The following DYNC2H1 variants were observed in gnomAD, a reference collection of about 807,000 sequenced individuals.
DYNC2H1 encodes cytoplasmic dynein 2 heavy chain 1.
Under a neutral mutation model 570.0 loss-of-function variants are expected in DYNC2H1, and 410 were observed. That is an observed-to-expected ratio of 0.72 (90% confidence interval 0.66 to 0.78). The LOEUF is 0.78. Among genes scored for constraint, DYNC2H1 ranks in the 30% least tolerant of loss-of-function variants. The pLI, the probability that DYNC2H1 is intolerant of heterozygous loss-of-function variation, is 0.00. For missense variants in DYNC2H1, 4,865 were observed against 5,046.4 expected (o/e 0.96, Z 1.09); for synonymous variants, 1,688 against 1,677.6 (o/e 1.01, Z -0.15).
chr11:103,231,962 C>G (rs1026482784), intron 60 of DYNC2H1, among the ~76,000 whole-genome samples: 1 of 151,536 alleles, frequency 6.6e-6, no homozygotes, highest in Non-Finnish European at 1.5e-5. Context: ...AAAATCAAAC[C>G]GAAAAGAAAA....
At chr11:103,433,492 C>G (rs968162882) in intron 84 of DYNC2H1, among the ~76,000 whole-genome samples, 3 of 152,040 alleles carry the variant, frequency 2.0e-5, no homozygotes, top group African/African-American at 7.2e-5. Context: ...TGTGGTTTAG[C>G]TGAGTATTCT....
At position 103,176,384 on chromosome 11, in the gene DYNC2H1, G is replaced by A; in HGVS notation, c.5824G>A (p.Ala1942Thr). The A allele has an allele frequency of 6.3e-7, 1 of 1,587,850 alleles. No individual in the cohort carries two copies. The highest frequency in any genetic ancestry group is 8.6e-7 in the Non-Finnish European group (1 of 1,168,880). ...AGTGGAATATGATGAACTAAGTGCT[G>A]CATTAAAGCAGGTCTTTGAAGAGGC... ...KEVEYDELSA[A>T]LKQVFEEANY... The change falls in exon 37 of 89, where the codon GCA becomes ACA. Residue 1942 changes from alanine to threonine, a missense_variant. Around this residue, in one of 5 missense-constraint regions of DYNC2H1, gnomAD observed 292 missense variants for 300.2 expected, o/e 0.97. Transcript: ENST00000375735.
intron 21 of DYNC2H1, 35 bp downstream of exon 21, chr11:103,152,320 C>G: frequency 6.5e-7 from 1 of 1,532,942 alleles, no homozygotes; most frequent in Non-Finnish European, 8.8e-7. Context: ...AAAATGGGAA[C>G]TTTTTTCTTA....
intron 37 of DYNC2H1, among the ~76,000 whole-genome samples, chr11:103,176,826 C>T (rs1307137980): frequency 6.6e-6 from 1 of 152,094 alleles, no homozygotes; most frequent in Non-Finnish European, 1.5e-5. Context: ...CTGCCTCAGC[C>T]TCCTGAATAG....
Position 103,189,380 on chromosome 11 carries a change from A to G in DYNC2H1, c.7293-292A>G, listed in dbSNP as rs1445870248. ...ATGTAACTCAAAAATGCTTTTCAAAAGTAAAATTTTCCTTTTGGTCTTTTC... is the reference window on the plus strand; with the variant it reads ...ATGTAACTCAAAAATGCTTTTCAAAGGTAAAATTTTCCTTTTGGTCTTTTC... On this transcript the variant is annotated intron_variant, in intron 44 of 88. Transcript: ENST00000375735. This position sits in a 1 kb window ranked among gnomAD's most constrained non-coding sequence, Gnocchi z 4.3. Among the ~76,000 whole-genome samples, 4 of 152,156 alleles carry G rather than the reference A, an allele frequency of 2.6e-5. No homozygotes were observed. The highest frequency in any genetic ancestry group is 6.6e-5 in the Admixed American group (1 of 15,244).
chr11:103,443,274 A>G (rs1944326608), intron 85 of DYNC2H1, among the ~76,000 whole-genome samples: 1 of 151,854 alleles, frequency 6.6e-6, no homozygotes, highest in African/African-American at 2.4e-5. Flanking sequence ...TTATTTGCTG[A>G]TTTTCCATTC....
chr11:103,436,003 G>A lies in DYNC2H1; in HGVS notation c.12427G>A (p.Gly4143Ser). The change falls in exon 85 of 89, where the codon GGT becomes AGT. Residue 4143 changes from glycine to serine, a missense_variant. Gly to Ser is a moderately conservative substitution (Grantham distance 56). This residue lies in a region of DYNC2H1 where 2,401 missense variants were observed against 2,454.6 expected (regional missense o/e 0.98). Coordinates refer to ENST00000375735, the MANE Select transcript of DYNC2H1 (RefSeq NM_001377.3). ...GPEDPLQYLR[G>S]LVARALAIQN... is the part of the protein sequence containing the mutation. ...AGAAGATCCCTTACAATACCTGAGAGGTCTTGTTGCCCGTGCCCTTGCAAT... is the reference window on the plus strand; with the variant it reads ...AGAAGATCCCTTACAATACCTGAGAAGTCTTGTTGCCCGTGCCCTTGCAAT... 3.7e-6 allele frequency: 6 copies of A among 1,612,530 alleles called. No individual in the cohort carries two copies. The highest frequency in any genetic ancestry group is 5.1e-6 in the Non-Finnish European group (6 of 1,179,036).
Position 103,204,898 on chromosome 11 carries a change from TCCAGCTTTG to T in DYNC2H1, c.8390_8398del (p.Pro2797_Leu2799del), listed in dbSNP as rs747309964. 7 of 1,594,286 alleles carry T rather than the reference TCCAGCTTTG, an allele frequency of 4.4e-6. No homozygotes were observed. Among genetic ancestry groups the T allele is most frequent in the Non-Finnish European group, 6.0e-6 (7 of 1,169,120 alleles). The stretch of plus-strand genomic sequence containing the variant: ...ACTTCATGATAAACTGTGAGAGTAA[TCCAGCTTTG>T]CATAAGAAATGCCAGGTGTTGTGGA... On this transcript the variant is annotated inframe_deletion, in exon 52 of 89. Coordinates refer to ENST00000375735, the MANE Select transcript of DYNC2H1 (RefSeq NM_001377.3). The surrounding 1 kb of genome is among the most constrained non-coding windows in gnomAD (Gnocchi z 4.1).
At chr11:103,220,157 T>C in intron 56 of DYNC2H1, 129 bp downstream of exon 56, 1 of 457,754 alleles carries the variant, frequency 2.2e-6, no homozygotes, top group Non-Finnish European at 3.8e-6. Flanking sequence ...AACCAAAATG[T>C]TACTTGTAAA....
intron 84 of DYNC2H1, among the ~76,000 whole-genome samples, chr11:103,431,697 C>A (rs370221936): frequency 3.3e-5 from 5 of 152,016 alleles, no homozygotes; most frequent in African/African-American, 9.7e-5. Flanking sequence ...CTTTGGGATT[C>A]GACAAACTCT....
chr11:103,388,562 G>T (rs920438450), intron 83 of DYNC2H1, among the ~76,000 whole-genome samples: 57 of 152,190 alleles, frequency 3.7e-4, no homozygotes, highest in Admixed American at 5.9e-4. Flanking sequence ...TGGTGAGAGA[G>T]GGCATCCCTG....
intron 70 of DYNC2H1, among the ~76,000 whole-genome samples, chr11:103,265,738 C>T (rs1477157719): frequency 6.6e-6 from 1 of 152,210 alleles, no homozygotes; most frequent in African/African-American, 2.4e-5. Flanking sequence ...AAAGAAGGCA[C>T]TCTGGCCTTT....
At chr11:103,471,080 G>A (rs1945371266) in intron 88 of DYNC2H1, among the ~76,000 whole-genome samples, 1 of 152,104 alleles carries the variant, frequency 6.6e-6, no homozygotes, top group South Asian at 2.1e-4. Context: ...AGCACCTGTT[G>A]TTTCCTGACT....
At chr11:103,284,166 G>A (rs1866257762) in intron 73 of DYNC2H1, among the ~76,000 whole-genome samples, 1 of 152,078 alleles carries the variant, frequency 6.6e-6, no homozygotes, top group Admixed American at 6.5e-5. Context: ...ATCCCATTAG[G>A]TTGGTTTAGC....
At chr11:103,278,057 A>T (rs1298115123) in intron 70 of DYNC2H1, among the ~76,000 whole-genome samples, 1 of 152,158 alleles carries the variant, frequency 6.6e-6, no homozygotes, top group Non-Finnish European at 1.5e-5. Context: ...GCTGGTTTTA[A>T]TGCCACTCTG....
chr11:103,111,947 C>T (rs1366693448), intron 1 of DYNC2H1, among the ~76,000 whole-genome samples: 1 of 151,956 alleles, frequency 6.6e-6, no homozygotes, highest in Non-Finnish European at 1.5e-5. Context: ...TTGGAATGGA[C>T]AAAGGTAGGC....
chr11:103,451,021 T>G (rs1232386423), intron 85 of DYNC2H1, among the ~76,000 whole-genome samples: 2 of 152,172 alleles, frequency 1.3e-5, no homozygotes, highest in African/African-American at 4.8e-5. Context: ...AGTTATTGGC[T>G]GTGTAATTTT....
intron 81 of DYNC2H1, among the ~76,000 whole-genome samples, chr11:103,322,820 T>C (rs1938282517): frequency 6.6e-6 from 1 of 152,206 alleles, no homozygotes; most frequent in Non-Finnish European, 1.5e-5. Flanking sequence ...ACTGAATGTT[T>C]CCCACGATAA....
intron 84 of DYNC2H1, among the ~76,000 whole-genome samples, chr11:103,434,954 G>A (rs1286128608): frequency 6.6e-6 from 1 of 152,118 alleles, no homozygotes; most frequent in African/African-American, 2.4e-5. Flanking sequence ...CACTTTCTCT[G>A]TATTGGAAGA....
Sources: gnomAD v4.1 joint callset for allele counts (sites outside exome capture counted in the v4.1 genomes callset) on GRCh38, gnomAD v4.1.1 for gene constraint, gnomAD v4.1.1 regional missense constraint, Gnocchi (gnomAD v3.1) non-coding constraint, MANE v1.5 for transcripts, NCBI Gene and HGNC (gene_info 2026-07-23, HGNC 2026-07-21) for gene names.